Variants in RBPJL observed in about 807,000 individuals in gnomAD.
RBPJL encodes the protein recombination signal binding protein for immunoglobulin kappa J region like.
Under a neutral mutation model 57.6 loss-of-function variants are expected in RBPJL, and 50 were observed. The observed-to-expected ratio is 0.87, with a 90% CI of 0.69 to 1.10. The LOEUF (loss-of-function observed/expected upper bound fraction) is 1.10, where lower values mean the gene tolerates loss of function less well. Ranked by LOEUF, RBPJL falls within the 50% of genes least tolerant of loss-of-function variation. The pLI, the probability that RBPJL is intolerant of heterozygous loss-of-function variation, is 0.00. For missense variants in RBPJL, 684 were observed against 693.7 expected (o/e 0.99, Z 0.16); for synonymous variants, 303 against 294.4 (o/e 1.03, Z -0.30).
rs573400037 is a variant in RBPJL, at chr20:45,308,127, G to T, written c.23-16G>T. On this transcript the variant is annotated splice_polypyrimidine_tract_variant and intron_variant, in intron 1 of 11. Transcript: ENST00000343694. ...ATACACTCGCCTGACCTGGCTTGAT[G>T]CCTACTCCCCTGCAGACCCCTCAGT... The T allele has an allele frequency of 1.3e-6, 2 of 1,589,184 alleles. No individual in the cohort carries two copies. The highest frequency in any genetic ancestry group is 2.7e-5 in the African/African-American group (2 of 74,388).
Position 45,306,901 on chromosome 20 carries a change from G to A in RBPJL, c.-22G>A. 8.0e-7 allele frequency: 1 copy of A among 1,256,404 alleles called. No individual in the cohort carries two copies. Among genetic ancestry groups the A allele is most frequent in the South Asian group, 3.8e-5 (1 of 26,200 alleles). 77.8% of individuals were successfully genotyped at this position (1,256,404 alleles called of 1,614,324 possible). ...TCGTCCAGAGGGCGGCGGGTGAGCG[G>A]CTGGGGCCCCGTGGAGCCACCATGG... On this transcript the variant is annotated 5_prime_UTR_variant, in exon 1 of 12. Transcript: ENST00000343694.
Position 45,314,073 on chromosome 20 carries a change from G to A in RBPJL, c.796G>A (p.Glu266Lys), listed in dbSNP as rs2145694130. ...HSAQGDFPPR[E>K]GYVRYGSLVQ... ...TGCCCAAGGAGACTTCCCACCGCGA[G>A]AGGGCTACGTTCGCTATGGCTCCCT... Residue 266 changes from glutamate (E) to lysine (K), a missense_variant, in exon 8 of 12, where the codon GAG (glutamate) becomes AAG (lysine). Coordinates refer to ENST00000343694, the MANE Select transcript of RBPJL (RefSeq NM_014276.4). 6.2e-7 allele frequency: 1 copy of A among 1,614,244 alleles called. No individual in the cohort carries two copies. The highest frequency in any genetic ancestry group is 8.5e-7 in the Non-Finnish European group (1 of 1,180,036).
In RBPJL at chr20:45,308,259, C is replaced by T. The variant is rs781709691; in HGVS notation, c.131+8C>T. 1.3e-5 allele frequency: 21 copies of T among 1,591,076 alleles called. No individual in the cohort carries two copies. The highest frequency in any genetic ancestry group is 7.7e-5 in the South Asian group (7 of 90,624). ...CCCGGGCACTTGGACCAGGTAACGGCGGCGTGGCAGCGTGCCCTAGGTGGG... is the reference window on the plus strand; with the variant it reads ...CCCGGGCACTTGGACCAGGTAACGGTGGCGTGGCAGCGTGCCCTAGGTGGG... On this transcript the variant is annotated splice_region_variant and intron_variant, in intron 2 of 11. Coordinates refer to ENST00000343694, the MANE Select transcript of RBPJL (RefSeq NM_014276.4).
intron 2 of RBPJL, among the ~76,000 whole-genome samples, chr20:45,309,100 A>G (rs906401105): frequency 2.0e-5 from 3 of 152,116 alleles, no homozygotes; most frequent in Middle Eastern, 3.4e-3. Context: ...CCAGGAGCCC[A>G]GGAAAGGCTC....
chr20:45,309,685 G>A lies in RBPJL; in HGVS notation c.250G>A (p.Glu84Lys). 1 of 1,613,658 alleles carries A rather than the reference G, an allele frequency of 6.2e-7. No individual in the cohort carries two copies. The highest frequency in any genetic ancestry group is 1.1e-5 in the South Asian group (1 of 90,958). Residue 84 changes from glutamate to lysine, a missense_variant, in exon 3 of 12, where the codon GAG (glutamate) becomes AAG (lysine). Glu to Lys is a moderately conservative substitution (Grantham distance 56). Transcript: ENST00000343694. ...GGTGGCCCAGAAATCATACGGAAAT[G>A]AGAAGCGGTAGGTGCCTCCGCAGCC... The part of the protein sequence containing the change: ...AKVAQKSYGN[E>K]KRFFCPPPCV...
At chr20:45,313,398 C>T (rs1245349461) in intron 6 of RBPJL, 70 bp from the exon 7 acceptor site, 4 of 1,356,222 alleles carry the variant, frequency 2.9e-6, no homozygotes, top group Non-Finnish European at 4.0e-6. Context: ...CCAATCCTAA[C>T]CCTAACCCTA....
chr20:45,308,684 C>T (rs1329896872), intron 2 of RBPJL, among the ~76,000 whole-genome samples: 2 of 152,040 alleles, frequency 1.3e-5, no homozygotes, highest in African/African-American at 4.8e-5. Context: ...AGACTCTGGT[C>T]CTGCCAAGAG....
Position 45,316,966 on chromosome 20 carries a change from C to G in RBPJL, c.*7C>G, listed in dbSNP as rs1229852321. 9 of 1,605,946 alleles carry G rather than the reference C, an allele frequency of 5.6e-6. No homozygotes were observed. In the East Asian group the frequency reaches 1.8e-4, roughly 32 times the overall value. On this transcript the variant is annotated 3_prime_UTR_variant, in exon 12 of 12. Transcript: ENST00000343694. Reference sequence around the variant, plus strand: ...CCTCTTCATCCAGACTTAGGCGCGCCCGGTAGCCCCGGCTGCCCACCCTGG... The same window carrying G: ...CCTCTTCATCCAGACTTAGGCGCGCGCGGTAGCCCCGGCTGCCCACCCTGG...
intron 2 of RBPJL, chr20:45,308,565 T>G: frequency 1.1e-5 from 4 of 370,890 alleles, no homozygotes; most frequent in East Asian, 5.2e-5. Flanking sequence ...TAGAAGGCAC[T>G]TCCCTGAGGA....
chr20:45,314,225 G>T, intron 8 of RBPJL, 81 bp downstream of exon 8: 1 of 1,372,000 alleles, frequency 7.3e-7, no homozygotes. Context: ...GGGCTGGAGA[G>T]TGAGGCCCCA....
chr20:45,307,344 C>T (rs1398604680), intron 1 of RBPJL, among the ~76,000 whole-genome samples: 2 of 152,190 alleles, frequency 1.3e-5, no homozygotes, highest in Non-Finnish European at 2.9e-5. Context: ...GCGACCTTCT[C>T]ATCCCGGATT....
At chr20:45,307,906 G>A (rs1600708700) in intron 1 of RBPJL, among the ~76,000 whole-genome samples, 3 of 152,154 alleles carry the variant, frequency 2.0e-5, no homozygotes, top group Non-Finnish European at 4.4e-5. Flanking sequence ...AGCAGCAAGG[G>A]AGGAGAGGCC....
At position 45,316,927 on chromosome 20, in the gene RBPJL, C is replaced by G; in HGVS notation, c.1522C>G (p.Arg508Gly). The change falls in exon 12 of 12, where the codon CGC (arginine) becomes GGC (glycine). Residue 508 changes from arginine to glycine, a missense_variant. Physicochemically the swap from Arg to Gly is moderately radical, Grantham distance 125. Coordinates refer to ENST00000343694, the MANE Select transcript of RBPJL (RefSeq NM_014276.4). ...GGAGAGCATCCATCAGGAGTTCACG[C>G]GCACCAACTTCCACCTCTTCATCCA... ...LLESIHQEFT[R>G]TNFHLFIQT The G allele has an allele frequency of 6.2e-7, 1 of 1,613,148 alleles. No individual in the cohort carries two copies. Among genetic ancestry groups the G allele is most frequent in the Non-Finnish European group, 8.5e-7 (1 of 1,179,402 alleles).
chr20:45,312,271 G>A lies in RBPJL; in HGVS notation c.495G>A (p.Lys165=). 6.2e-7 allele frequency: 1 copy of A among 1,614,274 alleles called. No individual in the cohort carries two copies. The highest frequency in any genetic ancestry group is 8.5e-7 in the Non-Finnish European group (1 of 1,180,046). Residue 165 remains lysine, a synonymous_variant, in exon 6 of 12, where the codon AAG becomes AAA. Coordinates refer to ENST00000343694, the MANE Select transcript of RBPJL (RefSeq NM_014276.4). ...TLYISDADKR[K]HFRLVLRLVL... is the part of the protein sequence containing the mutation. ...ACATCTCAGATGCAGACAAGAGGAA[G>A]CACTTTCGGCTGGTGCTGCGGCTGG...
chr20:45,310,433 C>A (rs1374332424), intron 3 of RBPJL, among the ~76,000 whole-genome samples: 1 of 151,998 alleles, frequency 6.6e-6, no homozygotes, highest in East Asian at 1.9e-4. Context: ...ACAGTGAAAC[C>A]CCCTCTCTAC....
In RBPJL at chr20:45,313,484, C is replaced by G. The variant is rs748597205; in HGVS notation, c.636C>G (p.Gly212=). The G allele has an allele frequency of 5.0e-6, 8 of 1,613,080 alleles. No individual in the cohort carries two copies. The Admixed American group carries it at 1.3e-4, about 27-fold the overall frequency. ...CCCTCACAGTGTGCATATCCTCCGG[C>G]TCAAAGGTCTCCCTCTTCAACCGCC... ...LKNTDLCISS[G]SKVSLFNRLR... The change falls in exon 7 of 12, where the codon GGC becomes GGG. Residue 212 remains glycine, a synonymous_variant. Coordinates refer to ENST00000343694, the MANE Select transcript of RBPJL (RefSeq NM_014276.4).
Position 45,316,737 on chromosome 20 carries a change from C to A in RBPJL, c.1332C>A (p.Ser444Arg), listed in dbSNP as rs35220957. 3.9e-3 allele frequency: 6,255 copies of A among 1,613,038 alleles called. 83 individuals are homozygous for A. In the African/African-American group the frequency reaches 0.044, roughly 11 times the overall value. Residue 444 changes from serine to arginine, a missense_variant, in exon 12 of 12, where the codon AGC becomes AGA. Transcript: ENST00000343694. ...TGCCGGACGTGGCGGCCTTCTGCAG[C>A]GACTGGCGCTGGCTGCGCGCTCCCA... ...CVVPDVAAFC[S>R]DWRWLRAPIT... is the part of the protein sequence containing the mutation.
In RBPJL at chr20:45,312,313, G is replaced by A. The variant is rs995484828; in HGVS notation, c.537G>A (p.Arg179=). Residue 179 remains arginine (R), a synonymous_variant, in exon 6 of 12, where the codon CGG becomes CGA. Transcript: ENST00000343694. The part of the protein sequence containing the change: ...LVLRLVLRGG[R]ELGTFHSRLI... ...TGCGGCTGGTGCTGCGCGGGGGCCG[G>A]GAGCTGGGTACCTTCCACAGCCGCC... is the stretch of plus-strand genomic sequence containing the variant. 3.1e-6 allele frequency: 5 copies of A among 1,614,046 alleles called. No homozygotes were observed. The highest frequency in any genetic ancestry group is 4.2e-6 in the Non-Finnish European group (5 of 1,180,018).
chr20:45,317,030 G>A lies in RBPJL; in HGVS notation c.*71G>A. On this transcript the variant is annotated 3_prime_UTR_variant, in exon 12 of 12. Coordinates refer to ENST00000343694, the MANE Select transcript of RBPJL (RefSeq NM_014276.4). The stretch of plus-strand genomic sequence containing the variant: ...CGCCAGGCGCGGGGACGTGTTTCTG[G>A]GTTCTAGGCCCTGCTTCCTTGCCCC... The A allele has an allele frequency of 2.0e-6, 3 of 1,519,712 alleles. No individual in the cohort carries two copies. Among genetic ancestry groups the A allele is most frequent in the Non-Finnish European group, 2.7e-6 (3 of 1,130,216 alleles). 94.1% of individuals were successfully genotyped at this position (1,519,712 alleles called of 1,614,324 possible). A position where few individuals can be genotyped will look rare whatever the true frequency, so the allele number is the denominator to read the frequency against.
Sources: gnomAD v4.1 joint callset for allele counts (sites outside exome capture counted in the v4.1 genomes callset) on GRCh38, gnomAD v4.1.1 for gene constraint, MANE v1.5 for transcripts, NCBI Gene and HGNC (gene_info 2026-07-23, HGNC 2026-07-21) for gene names.